Variants in GPRIN3 observed in about 807,000 individuals in gnomAD.
GPRIN3 encodes GPRIN family member 3.
Under a neutral mutation model 13.7 loss-of-function variants are expected in GPRIN3, and 12 were observed. The ratio of observed to expected loss-of-function variants is 0.87; its 90% CI spans 0.56 to 1.42. The LOEUF is 1.42. Ranked by LOEUF, GPRIN3 falls within the 40% of genes most tolerant of loss-of-function variation. GPRIN3 has a pLI of 0.00. For synonymous variants in GPRIN3, 377 were observed against 372.7 expected, an observed-to-expected ratio of 1.01 and a Z score of -0.13; for missense variants, 1,009 against 958.7, an observed-to-expected ratio of 1.05 and a Z score of -0.69.
chr4:89,240,321 A>G lies in GPRIN3; in HGVS notation c.*7459T>C, dbSNP rs1297253769. ...CCCCACCCAAGGGTTCATTGCTCAT[A>G]TCCTATTATCTCACCAACATCATCT... is the stretch of plus-strand genomic sequence containing the variant. On this transcript the variant is annotated 3_prime_UTR_variant, in exon 2 of 2. Transcript: ENST00000609438. The G allele has an allele frequency of 1.3e-5, 2 of 152,174 alleles. No homozygotes were observed. Among genetic ancestry groups the G allele is most frequent in the Non-Finnish European group, 2.9e-5 (2 of 68,034 alleles). The allele number at this position is 152,174 out of a possible 1,614,324, so 9.4% of individuals were successfully genotyped here. A position where few individuals can be genotyped will look rare whatever the true frequency, so the allele number is the denominator to read the frequency against.
chr4:89,272,803 GA>G (rs1723995351), intron 1 of GPRIN3, among the ~76,000 whole-genome samples: 2 of 152,202 alleles, frequency 1.3e-5, no homozygotes, highest in South Asian at 4.2e-4. Flanking sequence ...CTTATCTTCT[GA>G]TATTCTCTAT....
intron 1 of GPRIN3, among the ~76,000 whole-genome samples, chr4:89,297,752 G>A (rs563243877): frequency 2.6e-5 from 4 of 152,296 alleles, no homozygotes; most frequent in African/African-American, 9.6e-5. Context: ...TCACAGAGCA[G>A]CTACATAAAT....
At chr4:89,261,715 A>T (rs917316024) in intron 1 of GPRIN3, among the ~76,000 whole-genome samples, 6 of 152,188 alleles carry the variant, frequency 3.9e-5, no homozygotes, top group African/African-American at 1.4e-4. Flanking sequence ...ACAGATTAGA[A>T]GCAATTTAAA....
chr4:89,276,830 TC>T (rs1189380846), intron 1 of GPRIN3, among the ~76,000 whole-genome samples: 1 of 152,134 alleles, frequency 6.6e-6, no homozygotes, highest in East Asian at 1.9e-4. Flanking sequence ...CTACTGAGAA[TC>T]TAGCAGCATG....
chr4:89,307,292 CA>C (rs1453465745), intron 1 of GPRIN3, among the ~76,000 whole-genome samples: 8 of 151,956 alleles, frequency 5.3e-5, no homozygotes, highest in African/African-American at 1.7e-4. Context: ...CACACACACA[CA>C]CACACCCCTC....
At chr4:89,299,393 G>A (rs1724831753) in intron 1 of GPRIN3, among the ~76,000 whole-genome samples, 1 of 152,168 alleles carries the variant, frequency 6.6e-6, no homozygotes, top group East Asian at 1.9e-4. Flanking sequence ...TGCAGCAAGT[G>A]TGCATGAGGA....
intron 1 of GPRIN3, among the ~76,000 whole-genome samples, chr4:89,290,984 C>T (rs1353363434): frequency 1.3e-5 from 2 of 152,074 alleles, no homozygotes; most frequent in Non-Finnish European, 2.9e-5. Flanking sequence ...TGATACTTGC[C>T]TCCATCCATT....
chr4:89,266,795 T>C (rs1228467283), intron 1 of GPRIN3, among the ~76,000 whole-genome samples: 1 of 152,216 alleles, frequency 6.6e-6, no homozygotes, highest in African/African-American at 2.4e-5. Context: ...GCCTTATAAA[T>C]GATTAGTGAA....
rs1177313465 is a variant in GPRIN3, at chr4:89,236,458, G to T, written c.*11322C>A. 6.6e-6 allele frequency: 1 copy of T among 152,206 alleles called. No homozygotes were observed. The highest frequency in any genetic ancestry group is 1.5e-5 in the Non-Finnish European group (1 of 68,036). 9.4% of individuals were successfully genotyped at this position (152,206 alleles called of 1,614,324 possible). On this transcript the variant is annotated 3_prime_UTR_variant, in exon 2 of 2. Transcript: ENST00000609438. ...AAAATTCAAGGCTTTTAACAATTGA[G>T]TGGTAAAGTTCAAGTGGAAGAAAGC... is the stretch of plus-strand genomic sequence containing the variant.
Position 89,237,638 on chromosome 4 carries a change from G to A in GPRIN3, c.*10142C>T, listed in dbSNP as rs1309479402. 6.6e-6 allele frequency: 1 copy of A among 152,144 alleles called. No homozygotes were observed. Among genetic ancestry groups the A allele is most frequent in the Non-Finnish European group, 1.5e-5 (1 of 68,026 alleles). 9.4% of individuals were successfully genotyped at this position (152,144 alleles called of 1,614,324 possible). A position where few individuals can be genotyped will look rare whatever the true frequency, so the allele number is the denominator to read the frequency against. ...TTTGGGGTTCCCAGCTTCCAAAACT[G>A]TAAGAAATAAATTTATTTACAAGCC... On this transcript the variant is annotated 3_prime_UTR_variant, in exon 2 of 2. Coordinates refer to ENST00000609438, the MANE Select transcript of GPRIN3 (RefSeq NM_198281.3).
At chr4:89,263,245 C>G (rs1383127572) in intron 1 of GPRIN3, among the ~76,000 whole-genome samples, 1 of 152,194 alleles carries the variant, frequency 6.6e-6, no homozygotes, top group Non-Finnish European at 1.5e-5. Context: ...TAATCGTTCC[C>G]CATTCACCTA....
Position 89,248,080 on chromosome 4 carries a change from C to T in GPRIN3, c.2031G>A (p.Gln677=). Residue 677 remains glutamine, a synonymous_variant, in exon 2 of 2, where the codon CAG becomes CAA. Coordinates refer to ENST00000609438, the MANE Select transcript of GPRIN3 (RefSeq NM_198281.3). ...LGADSKLQLK[Q]SKRVRDVVWD... ...ACACGACGTCCCTGACACGCTTGGACTGTTTCAGCTGGAGCTTGGAGTCTG... is the reference window on the plus strand; with the variant it reads ...ACACGACGTCCCTGACACGCTTGGATTGTTTCAGCTGGAGCTTGGAGTCTG... 2 of 1,614,160 alleles carry T rather than the reference C, an allele frequency of 1.2e-6. No homozygotes were observed. Among genetic ancestry groups the T allele is most frequent in the Non-Finnish European group, 1.7e-6 (2 of 1,179,990 alleles).
Position 89,248,533 on chromosome 4 carries a change from G to C in GPRIN3, c.1578C>G (p.Ser526Arg), listed in dbSNP as rs147339057. Residue 526 changes from serine (S) to arginine (R), a missense_variant, in exon 2 of 2, where the codon AGC becomes AGG. Coordinates refer to ENST00000609438, the MANE Select transcript of GPRIN3 (RefSeq NM_198281.3). ...GSISKADHSG[S>R]LDPTNKGDAR... The stretch of plus-strand genomic sequence containing the variant: ...CATCTCCTTTATTAGTGGGATCCAA[G>C]CTCCCAGAATGATCAGCTTTGCTGA... 1.6e-3 allele frequency: 2,590 copies of C among 1,613,334 alleles called. 6 individuals carry two copies. The highest frequency in any genetic ancestry group is 2.1e-3 in the Non-Finnish European group (2,424 of 1,179,404).
chr4:89,261,161 C>T (rs747198653), intron 1 of GPRIN3, among the ~76,000 whole-genome samples: 4 of 152,102 alleles, frequency 2.6e-5, no homozygotes, highest in Non-Finnish European at 4.4e-5. Context: ...GGTAGAGTTT[C>T]TCACCCTGGA....
At chr4:89,262,555 T>G (rs1578085424) in intron 1 of GPRIN3, among the ~76,000 whole-genome samples, 1 of 152,226 alleles carries the variant, frequency 6.6e-6, no homozygotes, top group East Asian at 1.9e-4. Flanking sequence ...CGTGCTGGTC[T>G]ACGCTTCAAC....
chr4:89,265,315 C>T (rs1723753120), intron 1 of GPRIN3, among the ~76,000 whole-genome samples: 1 of 152,052 alleles, frequency 6.6e-6, no homozygotes, highest in Non-Finnish European at 1.5e-5. Flanking sequence ...AAGTCATCTG[C>T]TATGGAGACA....
chr4:89,298,867 C>T (rs1258461952), intron 1 of GPRIN3, among the ~76,000 whole-genome samples: 2 of 151,972 alleles, frequency 1.3e-5, no homozygotes, highest in Non-Finnish European at 2.9e-5. Flanking sequence ...TGCTCTCAAT[C>T]CAGTCCAGCT....
intron 1 of GPRIN3, among the ~76,000 whole-genome samples, chr4:89,296,697 A>T (rs1229940943): frequency 2.6e-5 from 4 of 152,128 alleles, no homozygotes; most frequent in Admixed American, 6.5e-5. Context: ...GTGCACACAC[A>T]TGTGACATAA....
At position 89,250,059 on chromosome 4, in the gene GPRIN3, C is replaced by G. The variant is rs1723283520; in HGVS notation, c.52G>C (p.Ala18Pro). The change falls in exon 2 of 2, where the codon GCT (alanine) becomes CCT (proline). Residue 18 changes from alanine (A) to proline (P), a missense_variant. Transcript: ENST00000609438. ...CCTAGATCGTCTTCTTTTCCGGAAGCTGCAATCAGGGAAGTTTTAGCTGAT... is the reference window on the plus strand; with the variant it reads ...CCTAGATCGTCTTCTTTTCCGGAAGGTGCAATCAGGGAAGTTTTAGCTGAT... ...LRSAKTSLIA[A>P]SGKEDDLGEP... 6.2e-7 allele frequency: 1 copy of G among 1,614,058 alleles called. No homozygotes were observed. Among genetic ancestry groups the G allele is most frequent in the Admixed American group, 1.7e-5 (1 of 60,006 alleles).
Sources: gnomAD v4.1 joint callset for allele counts (sites outside exome capture counted in the v4.1 genomes callset) on GRCh38, gnomAD v4.1.1 for gene constraint, MANE v1.5 for transcripts, NCBI Gene and HGNC (gene_info 2026-07-23, HGNC 2026-07-21) for gene names.